The following IDNK variants were observed in gnomAD, a reference collection of about 807,000 sequenced individuals.
IDNK encodes gluconokinase.
IDNK carries 9 observed loss-of-function variants against 13.0 expected under a neutral mutation model. That is an observed-to-expected ratio of 0.69 (90% CI 0.42 to 1.21). The LOEUF (loss-of-function observed/expected upper bound fraction) is 1.21. Among genes scored for constraint, IDNK ranks in the 50% most tolerant of loss-of-function variants. IDNK has a pLI of 0.00. For synonymous variants in IDNK, 92 were observed against 94.9 expected (o/e 0.97, Z 0.18); for missense variants, 210 against 237.8 (o/e 0.88, Z 0.77).
chr9:83,631,837 TAAAG>T (rs1428220871), intron 3 of IDNK, among the ~76,000 whole-genome samples: 1 of 152,024 alleles, frequency 6.6e-6, no homozygotes, highest in Non-Finnish European at 1.5e-5. Flanking sequence ...AAATTAATAA[TAAAG>T]AATTTCAAAG....
chr9:83,642,299 C>T (rs778164661), intron 4 of IDNK, among the ~76,000 whole-genome samples: 1 of 152,116 alleles, frequency 6.6e-6, no homozygotes, highest in South Asian at 2.1e-4. Flanking sequence ...CTAGGCCATA[C>T]GAAGTTATAA....
At chr9:83,639,120 T>A (rs1831234749) in intron 3 of IDNK, among the ~76,000 whole-genome samples, 1 of 152,020 alleles carries the variant, frequency 6.6e-6, no homozygotes, top group African/African-American at 2.4e-5. Context: ...GAACTGTAAA[T>A]CAATAATAAA....
chr9:83,626,579 G>A (rs1263784966), intron 1 of IDNK: 4 of 575,054 alleles, frequency 7.0e-6, no homozygotes, highest in Non-Finnish European at 1.2e-5. Context: ...ACCACACCCA[G>A]CTAAGTTTTG....
intron 3 of IDNK, among the ~76,000 whole-genome samples, chr9:83,630,059 AC>A (rs1305489261): frequency 2.0e-5 from 3 of 152,238 alleles, no homozygotes; most frequent in African/African-American, 7.2e-5. Context: ...CTGGCCGCAG[AC>A]CAACACTGTT....
At chr9:83,638,611 G>A (rs144947405) in intron 3 of IDNK, among the ~76,000 whole-genome samples, 363 of 152,212 alleles carry the variant, frequency 2.4e-3, no homozygotes, top group African/African-American at 8.2e-3. Context: ...CTGCAAAGCC[G>A]CTCAAAGACA....
At chr9:83,623,795 G>A (rs957942775) in intron 1 of IDNK, among the ~76,000 whole-genome samples, 2 of 152,364 alleles carry the variant, frequency 1.3e-5, no homozygotes, top group African/African-American at 4.8e-5. Context: ...GGTTTGGAAA[G>A]AAAGAAGAGA....
At chr9:83,631,451 G>GGAAAAAAAAAA (rs1831010547) in intron 3 of IDNK, among the ~76,000 whole-genome samples, 1 of 56,946 alleles carries the variant, frequency 1.8e-5, no homozygotes, top group Non-Finnish European at 3.0e-5. Context: ...TACAAAAACT[G>GGAAAAAAAAAA]AAAAAAAAAA....
chr9:83,632,135 G>A (rs1444436373), intron 3 of IDNK, among the ~76,000 whole-genome samples: 1 of 151,898 alleles, frequency 6.6e-6, no homozygotes, highest in South Asian at 2.1e-4. Flanking sequence ...TTTCATGGAG[G>A]GGGTCAGTAT....
At chr9:83,624,712 TTTTTG>T in intron 1 of IDNK, among the ~76,000 whole-genome samples, 1 of 151,376 alleles carries the variant, frequency 6.6e-6, no homozygotes, top group African/African-American at 2.4e-5. Context: ...TTTTGTTTTT[TTTTTG>T]TTTTGTTTTG....
intron 4 of IDNK, among the ~76,000 whole-genome samples, chr9:83,642,314 C>T (rs1831333787): frequency 6.6e-6 from 1 of 152,178 alleles, no homozygotes; most frequent in Non-Finnish European, 1.5e-5. Context: ...TTATAATATA[C>T]TTAAATGAAC....
chr9:83,628,143 G>A (rs778225795), intron 1 of IDNK, 38 bp from the exon 2 acceptor site: 3 of 1,550,274 alleles, frequency 1.9e-6, no homozygotes, highest in Non-Finnish European at 2.6e-6. Context: ...CACACATTGG[G>A]CAGGGCAGTA....
intron 3 of IDNK, among the ~76,000 whole-genome samples, chr9:83,640,961 T>C (rs1425361991): frequency 6.6e-6 from 1 of 152,238 alleles, no homozygotes; most frequent in Admixed American, 6.5e-5. Flanking sequence ...TGTTTTGTTT[T>C]CCAATGCATT....
At chr9:83,627,065 G>C (rs1336691072) in intron 1 of IDNK, 1 of 154,992 alleles carries the variant, frequency 6.5e-6, no homozygotes, top group Non-Finnish European at 1.4e-5. Flanking sequence ...ATAGCTTCTT[G>C]TGCAAGGGAA....
chr9:83,643,369 G>A (rs1239055221), intron 4 of IDNK, 60 bp from the exon 5 acceptor site: 2 of 1,344,360 alleles, frequency 1.5e-6, no homozygotes, highest in South Asian at 1.5e-5. Flanking sequence ...AATTGACAGA[G>A]GTTACTTTAA....
chr9:83,643,365 C>CAA (rs1484529848), intron 4 of IDNK, 64 bp from the exon 5 acceptor site: 1 of 1,309,354 alleles, frequency 7.6e-7, no homozygotes, highest in East Asian at 2.4e-5. Flanking sequence ...CTAGAATTGA[C>CAA]AGAGGTTACT....
chr9:83,626,622 G>T, intron 1 of IDNK: 2 of 939,534 alleles, frequency 2.1e-6, no homozygotes, highest in Non-Finnish European at 3.0e-6. Flanking sequence ...TTGCCATGTT[G>T]GCCGAGCTAG....
upstream of IDNK, chr9:83,623,104 C>G: frequency 1.5e-6 from 2 of 1,313,020 alleles, no homozygotes; most frequent in Non-Finnish European, 2.0e-6. Flanking sequence ...CGGCTCCGCC[C>G]CTCGAGCGCC....
At chr9:83,624,675 G>C (rs1354950097) in intron 1 of IDNK, among the ~76,000 whole-genome samples, 2 of 151,780 alleles carry the variant, frequency 1.3e-5, no homozygotes, top group African/African-American at 4.8e-5. Flanking sequence ...GGGAATGGCA[G>C]GTGCAATGGT....
intron 3 of IDNK, among the ~76,000 whole-genome samples, chr9:83,634,104 T>G (rs1294871713): frequency 2.0e-5 from 3 of 152,172 alleles, no homozygotes; most frequent in Non-Finnish European, 4.4e-5. Context: ...AAAAAACCTT[T>G]CTCCTTGTGG....
Sources: gnomAD v4.1 joint callset for allele counts (sites outside exome capture counted in the v4.1 genomes callset) on GRCh38, gnomAD v4.1.1 for gene constraint, MANE v1.5 for transcripts, NCBI Gene and HGNC (gene_info 2026-07-23, HGNC 2026-07-21) for gene names.